VAT1L: variants seen among roughly 807,000 people sequenced by gnomAD.
VAT1L encodes the protein vesicle amine transport 1 like.
A neutral mutation model predicts 44.1 loss-of-function variants in VAT1L; 34 were observed. The observed-to-expected ratio is 0.77, with a 90% CI of 0.59 to 1.03. VAT1L has a LOEUF of 1.03. VAT1L is among the 50% of genes least tolerant of loss of function. VAT1L has a pLI of 0.00. For missense variants in VAT1L, 615 were observed against 538.8 expected (o/e 1.14, Z -1.40); for synonymous variants, 253 against 202.2 (o/e 1.25, Z -2.13).
intron 3 of VAT1L, among the ~76,000 whole-genome samples, chr16:77,856,915 T>C (rs772252925): frequency 6.6e-6 from 1 of 152,224 alleles, no homozygotes; most frequent in African/African-American, 2.4e-5. Context: ...CCAGGTAACC[T>C]TGGGAACTTT....
In VAT1L at chr16:77,971,920, C is replaced by A. The variant is rs764466456; in HGVS notation, c.1148C>A (p.Thr383Asn). ...IGKLILDVEK[T>N]PTPLMANDST... is the part of the protein sequence containing the mutation. ...AAGTTAATTCTGGATGTAGAAAAGA[C>A]CCCAACTCCACTGGTGAGTGAAAAG... The change falls in exon 8 of 9, where the codon ACC (threonine) becomes AAC (asparagine). Residue 383 changes from threonine to asparagine, a missense_variant. Coordinates refer to ENST00000302536, the MANE Select transcript of VAT1L (RefSeq NM_020927.3). 2 of 1,613,764 alleles carry A rather than the reference C, an allele frequency of 1.2e-6. No homozygotes were observed. The highest frequency in any genetic ancestry group is 2.2e-5 in the South Asian group (2 of 91,044).
At chr16:77,929,360 C>T (rs1274020123) in intron 7 of VAT1L, among the ~76,000 whole-genome samples, 1 of 152,126 alleles carries the variant, frequency 6.6e-6, no homozygotes, top group Non-Finnish European at 1.5e-5. Flanking sequence ...TATATGAGCC[C>T]TCTGTGCATG....
intron 7 of VAT1L, among the ~76,000 whole-genome samples, chr16:77,888,074 A>G (rs2017226784): frequency 6.6e-6 from 1 of 152,036 alleles, no homozygotes; most frequent in Non-Finnish European, 1.5e-5. Context: ...CCTTTTCCCA[A>G]TTTTTGACAG....
intron 7 of VAT1L, among the ~76,000 whole-genome samples, chr16:77,933,798 G>A (rs1449714510): frequency 2.0e-5 from 3 of 152,204 alleles, no homozygotes; most frequent in Non-Finnish European, 4.4e-5. Context: ...GAGCAAGGAA[G>A]TGAAGGGGAC....
intron 3 of VAT1L, among the ~76,000 whole-genome samples, chr16:77,847,603 T>C (rs1597064783): frequency 6.6e-6 from 1 of 152,198 alleles, no homozygotes; most frequent in Admixed American, 6.5e-5. Flanking sequence ...GAGTACTAAA[T>C]TGAGGCTGTT....
intron 6 of VAT1L, among the ~76,000 whole-genome samples, chr16:77,880,866 G>A (rs542801933): frequency 6.6e-6 from 1 of 152,060 alleles, no homozygotes; most frequent in East Asian, 1.9e-4. Flanking sequence ...TTATGTTTCT[G>A]CATTAATTTG....
intron 7 of VAT1L, among the ~76,000 whole-genome samples, chr16:77,938,572 T>C (rs1241083050): frequency 1.3e-5 from 2 of 151,968 alleles, no homozygotes; most frequent in African/African-American, 4.8e-5. Context: ...GTGTGGCACT[T>C]CCCCCCTTAT....
At chr16:77,873,170 G>A (rs935112091) in intron 4 of VAT1L, among the ~76,000 whole-genome samples, 19 of 152,172 alleles carry the variant, frequency 1.2e-4, no homozygotes, top group African/African-American at 4.6e-4. Flanking sequence ...CATTTATTAA[G>A]TCTTAAACTC....
chr16:77,875,973 C>T (rs1218207211), intron 4 of VAT1L, among the ~76,000 whole-genome samples: 4 of 152,138 alleles, frequency 2.6e-5, no homozygotes, highest in Non-Finnish European at 4.4e-5. Flanking sequence ...ATAGGAGTTG[C>T]CTGAGCCTCC....
chr16:77,921,287 T>C (rs2017608836), intron 7 of VAT1L, among the ~76,000 whole-genome samples: 1 of 152,180 alleles, frequency 6.6e-6, no homozygotes, highest in South Asian at 2.1e-4. Flanking sequence ...TGGAATTGCT[T>C]TTACTGAACA....
chr16:77,954,047 C>A (rs959066125), intron 7 of VAT1L, among the ~76,000 whole-genome samples: 14 of 152,258 alleles, frequency 9.2e-5, no homozygotes, highest in Middle Eastern at 6.8e-3. Context: ...CACTGAGATT[C>A]GTCCCTGAAA....
At chr16:77,958,341 A>T (rs931030811) in intron 7 of VAT1L, among the ~76,000 whole-genome samples, 3 of 151,984 alleles carry the variant, frequency 2.0e-5, no homozygotes, top group African/African-American at 7.3e-5. Context: ...TGTGCCCATC[A>T]CACCTCAAGC....
intron 2 of VAT1L, among the ~76,000 whole-genome samples, chr16:77,823,843 G>T (rs137891385): frequency 6.6e-6 from 1 of 152,028 alleles, no homozygotes; most frequent in Non-Finnish European, 1.5e-5. Flanking sequence ...GTGAAACCCC[G>T]TCTCTAATAA....
chr16:77,912,078 T>C (rs1425866924), intron 7 of VAT1L, among the ~76,000 whole-genome samples: 2 of 152,164 alleles, frequency 1.3e-5, no homozygotes, highest in Admixed American at 1.3e-4. Flanking sequence ...CAGTGTGACA[T>C]AGTAGAAAGA....
At chr16:77,799,765 T>A (rs2145211823) in intron 1 of VAT1L, among the ~76,000 whole-genome samples, 1 of 152,228 alleles carries the variant, frequency 6.6e-6, no homozygotes, top group South Asian at 2.1e-4. Flanking sequence ...ATTGTACCTT[T>A]CTTACCACAG....
At chr16:77,942,797 T>C (rs1319373391) in intron 7 of VAT1L, among the ~76,000 whole-genome samples, 3 of 152,236 alleles carry the variant, frequency 2.0e-5, no homozygotes, top group Middle Eastern at 3.4e-3. Flanking sequence ...CAGGCTAGAG[T>C]GCAGTGGCAC....
intron 1 of VAT1L, among the ~76,000 whole-genome samples, chr16:77,815,317 A>T (rs1286424290): frequency 6.6e-6 from 1 of 152,228 alleles, no homozygotes; most frequent in Non-Finnish European, 1.5e-5. Flanking sequence ...TTGAATATCC[A>T]TGACTATTCC....
chr16:77,858,849 A>G (rs1315331714), intron 3 of VAT1L, among the ~76,000 whole-genome samples: 1 of 152,084 alleles, frequency 6.6e-6, no homozygotes, highest in Non-Finnish European at 1.5e-5. Flanking sequence ...AAAAAATTTT[A>G]AAAAGGCTGG....
intron 4 of VAT1L, among the ~76,000 whole-genome samples, chr16:77,873,366 A>G (rs1032509427): frequency 2.0e-5 from 3 of 152,216 alleles, no homozygotes; most frequent in Non-Finnish European, 4.4e-5. Context: ...AATAGCTGTT[A>G]TATAGGAGAG....
Sources: allele counts gnomAD v4.1 joint callset (sites outside exome capture counted in the v4.1 genomes callset), GRCh38; gene constraint gnomAD v4.1.1; transcripts MANE v1.5; gene names NCBI Gene and HGNC (gene_info 2026-07-23, HGNC 2026-07-21).